SGCZ: variants seen among roughly 807,000 people sequenced by gnomAD.
SGCZ encodes sarcoglycan zeta.
A neutral mutation model predicts 41.3 loss-of-function variants in SGCZ; 40 were observed. The observed-to-expected ratio is 0.97, with a 90% confidence interval of 0.75 to 1.26. The LOEUF is 1.26. SGCZ is among the 50% of genes most tolerant of loss of function. The pLI is 0.00. For synonymous variants in SGCZ, 206 were observed against 137.5 expected, an observed-to-expected ratio of 1.50 and a Z score of -3.49; for missense variants, 552 against 369.8, an observed-to-expected ratio of 1.49 and a Z score of -4.04.
At chr8:14,724,669 AAAAG>A (rs1181178831) in intron 1 of SGCZ, among the ~76,000 whole-genome samples, 1 of 139,918 alleles carries the variant, frequency 7.1e-6, no homozygotes, top group East Asian at 2.1e-4. Flanking sequence ...GATTATAAAT[AAAAG>A]AGTTATCACT....
intron 1 of SGCZ, among the ~76,000 whole-genome samples, chr8:15,171,758 G>A (rs1428322984): frequency 1.3e-5 from 2 of 152,214 alleles, no homozygotes; most frequent in African/African-American, 2.4e-5. Context: ...TGCAATCTCA[G>A]ATGTGGTATG....
chr8:14,491,263 A>C (rs1322110532), intron 2 of SGCZ, among the ~76,000 whole-genome samples: 1 of 151,952 alleles, frequency 6.6e-6, no homozygotes, highest in Non-Finnish European at 1.5e-5. Context: ...GTAAACACAC[A>C]CACACTCACC....
intron 2 of SGCZ, among the ~76,000 whole-genome samples, chr8:14,460,344 C>T (rs1800866724): frequency 1.3e-5 from 2 of 151,990 alleles, no homozygotes; most frequent in Admixed American, 6.6e-5. Context: ...ATTCAGAAAC[C>T]ACTGTCCTAA....
chr8:14,732,052 GC>G (rs1450126585), intron 1 of SGCZ, among the ~76,000 whole-genome samples: 1 of 152,180 alleles, frequency 6.6e-6, no homozygotes, highest in African/African-American at 2.4e-5. Flanking sequence ...AACTTGTTGA[GC>G]TTTCTCTTTA....
chr8:14,917,615 C>T (rs1799475263), intron 1 of SGCZ, among the ~76,000 whole-genome samples: 1 of 152,070 alleles, frequency 6.6e-6, no homozygotes, highest in Admixed American at 6.5e-5. Context: ...CAACCAAACA[C>T]AGACTCTGCC....
intron 1 of SGCZ, among the ~76,000 whole-genome samples, chr8:14,727,322 C>T (rs1810088109): frequency 6.6e-6 from 1 of 152,096 alleles, no homozygotes; most frequent in Admixed American, 6.5e-5. Context: ...TAGACAGTTT[C>T]ACCGTACCAA....
chr8:14,320,533 A>T (rs991081625), intron 3 of SGCZ, among the ~76,000 whole-genome samples: 7 of 152,000 alleles, frequency 4.6e-5, no homozygotes, highest in African/African-American at 1.7e-4. Context: ...GTATGTATAC[A>T]GCTTTTTGTC....
chr8:14,510,303 C>G (rs1802431440), intron 2 of SGCZ, among the ~76,000 whole-genome samples: 1 of 151,984 alleles, frequency 6.6e-6, no homozygotes, highest in Admixed American at 6.6e-5. Flanking sequence ...AGTTGTAGTT[C>G]AAGTTCTGTT....
At chr8:14,378,009 T>G (rs991562028) in intron 2 of SGCZ, among the ~76,000 whole-genome samples, 2 of 149,686 alleles carry the variant, frequency 1.3e-5, no homozygotes, top group African/African-American at 2.5e-5. Context: ...TGTGTCTTTA[T>G]AGCAGCATGA....
At position 14,318,895 on chromosome 8, in the gene SGCZ, A is replaced by G. The variant is rs1253877110; in HGVS notation, c.336+5208T>C. On this transcript the variant is annotated intron_variant, in intron 3 of 7. Transcript: ENST00000382080. ...ACAGTAAAAAATCGTTATAAGATAA[A>G]AGAAGATTGTAGACCAAAGGAAAAT... Among the ~76,000 whole-genome samples, 3 of 152,118 alleles carry G rather than the reference A, an allele frequency of 2.0e-5. No homozygotes were observed. In the East Asian group the frequency reaches 5.8e-4, roughly 29 times the overall value.
At chr8:15,168,598 A>AC (rs1312348265) in intron 1 of SGCZ, among the ~76,000 whole-genome samples, 2 of 152,032 alleles carry the variant, frequency 1.3e-5, no homozygotes, top group African/African-American at 4.8e-5. Context: ...TCCATCACTT[A>AC]CCCCCGGTAT....
chr8:14,625,273 C>A (rs1240208808), intron 1 of SGCZ, among the ~76,000 whole-genome samples: 2 of 152,088 alleles, frequency 1.3e-5, no homozygotes, highest in South Asian at 4.1e-4. Flanking sequence ...ATCTTTATAA[C>A]TGATTACTGT....
intron 1 of SGCZ, among the ~76,000 whole-genome samples, chr8:15,180,410 AT>A (rs1043683138): frequency 1.1e-4 from 16 of 152,188 alleles, no homozygotes; most frequent in African/African-American, 3.9e-4. Context: ...CATATTACAT[AT>A]TTTAGGGCTC....
chr8:14,748,733 A>G (rs866382827), intron 1 of SGCZ, among the ~76,000 whole-genome samples: 1 of 150,912 alleles, frequency 6.6e-6, no homozygotes, highest in Non-Finnish European at 1.5e-5. Context: ...ATACATCAAA[A>G]TAGTGCATGT....
At chr8:14,506,669 C>T (rs956873039) in intron 2 of SGCZ, among the ~76,000 whole-genome samples, 1 of 152,124 alleles carries the variant, frequency 6.6e-6, no homozygotes, top group Non-Finnish European at 1.5e-5. Flanking sequence ...CTTTGCCTGC[C>T]CTTCCCCATT....
At chr8:15,186,456 T>C (rs1375946728) in intron 1 of SGCZ, among the ~76,000 whole-genome samples, 4 of 152,112 alleles carry the variant, frequency 2.6e-5, no homozygotes, top group East Asian at 3.8e-4. Context: ...ATCAGTATTT[T>C]GCTTACCCAA....
At chr8:15,040,103 C>G (rs775301894) in intron 1 of SGCZ, among the ~76,000 whole-genome samples, 3 of 152,228 alleles carry the variant, frequency 2.0e-5, no homozygotes, top group Non-Finnish European at 2.9e-5. Flanking sequence ...AGCTATTACA[C>G]AAGACCATGA....
At chr8:14,120,883 C>G (rs1378610652) in intron 5 of SGCZ, among the ~76,000 whole-genome samples, 1 of 152,048 alleles carries the variant, frequency 6.6e-6, no homozygotes, top group African/African-American at 2.4e-5. Context: ...TTAATGCAAT[C>G]TTAATCAGAT....
intron 1 of SGCZ, among the ~76,000 whole-genome samples, chr8:14,889,157 T>C (rs1001551786): frequency 1.3e-5 from 2 of 152,128 alleles, no homozygotes; most frequent in African/African-American, 2.4e-5. Flanking sequence ...CCACCTCTGA[T>C]TCAGTGAAAA....
Sources: allele counts gnomAD v4.1 joint callset (sites outside exome capture counted in the v4.1 genomes callset), GRCh38; gene constraint gnomAD v4.1.1; transcripts MANE v1.5; gene names NCBI Gene and HGNC (gene_info 2026-07-23, HGNC 2026-07-21).